The following ZFP14 variants were observed in gnomAD, a reference collection of about 807,000 sequenced individuals.
The protein encoded by ZFP14 is ZFP14 zinc finger protein, also known as zinc finger protein 14 homolog.
Under a neutral mutation model 54.5 loss-of-function variants are expected in ZFP14, and 22 were observed. The observed-to-expected ratio is 0.40, with a 90% CI of 0.29 to 0.58. The LOEUF (loss-of-function observed/expected upper bound fraction) is 0.58. ZFP14 is among the 20% of genes least tolerant of loss of function. The pLI is 0.39. For missense variants in ZFP14, 470 were observed against 637.8 expected (o/e 0.74, Z 2.83); for synonymous variants, 159 against 204.0 (o/e 0.78, Z 1.88).
chr19:36,373,043 C>T (rs1015426355), intron 1 of ZFP14, among the ~76,000 whole-genome samples: 3 of 151,950 alleles, frequency 2.0e-5, no homozygotes, highest in Admixed American at 6.6e-5. Flanking sequence ...TTTGGGAGGC[C>T]GAGGCGGGAG....
intron 2 of ZFP14, among the ~76,000 whole-genome samples, chr19:36,365,539 C>A (rs1410590351): frequency 6.6e-6 from 1 of 152,136 alleles, no homozygotes; most frequent in Non-Finnish European, 1.5e-5. Flanking sequence ...GCACCAGGTA[C>A]ACACATGCCC....
intron 4 of ZFP14, among the ~76,000 whole-genome samples, chr19:36,352,868 G>T (rs1018072851): frequency 1.4e-5 from 2 of 140,252 alleles, no homozygotes; most frequent in Non-Finnish European, 3.2e-5. Flanking sequence ...GTGAACCCGG[G>T]AGGCGGAGCT....
chr19:36,340,814 T>G lies in ZFP14; in HGVS notation c.1012A>C (p.Lys338Gln). 1.2e-6 allele frequency: 2 copies of G among 1,614,178 alleles called. No homozygotes were observed. The highest frequency in any genetic ancestry group is 1.7e-6 in the Non-Finnish European group (2 of 1,180,040). Residue 338 changes from lysine (K) to glutamine (Q), a missense_variant, in exon 5 of 5, where the codon AAA becomes CAA. Lys to Gln is a moderately conservative substitution (Grantham distance 53, BLOSUM62 1). Transcript: ENST00000270001. This position sits in a 1 kb window ranked among gnomAD's most constrained non-coding sequence, Gnocchi z 5.4. ...CCACACTCCTTACATTCATAGGGTT[T>G]CTCACCAAAATGAATTTTCTGATGT... is the stretch of plus-strand genomic sequence containing the variant. Reference protein sequence around the residue: ...RVHQKIHFGEKPYECKECGKA... With the variant: ...RVHQKIHFGEQPYECKECGKA...
chr19:36,359,716 G>A (rs2031678701), intron 4 of ZFP14, among the ~76,000 whole-genome samples: 1 of 152,008 alleles, frequency 6.6e-6, no homozygotes, highest in Admixed American at 6.6e-5. Context: ...GTGCAGTGGC[G>A]TGATCTTGGC....
At position 36,362,256 on chromosome 19, in the gene ZFP14, G is replaced by A; in HGVS notation, c.10-18C>T. The A allele has an allele frequency of 6.4e-7, 1 of 1,574,386 alleles. No individual in the cohort carries two copies. Among genetic ancestry groups the A allele is most frequent in the Non-Finnish European group, 8.6e-7 (1 of 1,167,348 alleles). On this transcript the variant is annotated intron_variant, in intron 2 of 4. Coordinates refer to ENST00000270001, the MANE Select transcript of ZFP14 (RefSeq NM_020917.3). ...ACTGAACCCTGAAAAAACAAACTCA[G>A]GTATTACTTGTGAAAATAAATTAAA...
In ZFP14 at chr19:36,347,483, G is replaced by A. The variant is rs138787065; in HGVS notation, c.236-5893C>T. On this transcript the variant is annotated intron_variant, in intron 4 of 4. Coordinates refer to ENST00000270001, the MANE Select transcript of ZFP14 (RefSeq NM_020917.3). Reference sequence around the variant, plus strand: ...AAATTAGCCAGGTGTGCTGGAAGGCGCCTATAGTCCCAGTTACTCGGGAGG... The same window carrying A: ...AAATTAGCCAGGTGTGCTGGAAGGCACCTATAGTCCCAGTTACTCGGGAGG... Among the ~76,000 whole-genome samples, 160 of 151,854 alleles carry A rather than the reference G, an allele frequency of 1.1e-3. 1 individual carries two copies. In the East Asian group the frequency reaches 0.021, roughly 20 times the overall value.
chr19:36,361,054 T>C (rs2031701811), intron 3 of ZFP14, among the ~76,000 whole-genome samples: 1 of 152,234 alleles, frequency 6.6e-6, no homozygotes, highest in Non-Finnish European at 1.5e-5. Flanking sequence ...ACACATAATA[T>C]ATGTATTAGC....
chr19:36,358,260 G>A (rs1244892396), intron 4 of ZFP14, among the ~76,000 whole-genome samples: 10 of 151,124 alleles, frequency 6.6e-5, no homozygotes, highest in African/African-American at 2.2e-4. Flanking sequence ...ACAGGCGTGC[G>A]CCACTACATC....
At chr19:36,375,296 T>C (rs1199148390) in intron 1 of ZFP14, among the ~76,000 whole-genome samples, 2 of 152,162 alleles carry the variant, frequency 1.3e-5, no homozygotes, top group Admixed American at 1.3e-4. Flanking sequence ...AGCTTCAGTA[T>C]AATCTGGACA....
At chr19:36,349,257 CAAA>C (rs1171155676) in intron 4 of ZFP14, among the ~76,000 whole-genome samples, 2 of 42,238 alleles carry the variant, frequency 4.7e-5, no homozygotes, top group East Asian at 1.3e-3. Flanking sequence ...AAAAAAAAAA[CAAA>C]AAAAAAAAAA....
At chr19:36,357,280 C>G (rs1490279691) in intron 4 of ZFP14, among the ~76,000 whole-genome samples, 1 of 152,066 alleles carries the variant, frequency 6.6e-6, no homozygotes, top group Non-Finnish European at 1.5e-5. Context: ...CAATATCAGG[C>G]GATCTGCCCG....
At chr19:36,369,919 C>T (rs932419562) in intron 1 of ZFP14, among the ~76,000 whole-genome samples, 8 of 152,148 alleles carry the variant, frequency 5.3e-5, no homozygotes, top group African/African-American at 1.7e-4. Context: ...ACAGCAGCCT[C>T]GACCTCCCGG....
At chr19:36,376,150 T>A (rs544920339) in intron 1 of ZFP14, among the ~76,000 whole-genome samples, 49 of 152,284 alleles carry the variant, frequency 3.2e-4, no homozygotes, top group African/African-American at 1.2e-3. Context: ...AGGATTGTTA[T>A]GAGAAATAAA....
chr19:36,358,189 C>G (rs931695757), intron 4 of ZFP14, among the ~76,000 whole-genome samples: 2 of 152,010 alleles, frequency 1.3e-5, no homozygotes, highest in Non-Finnish European at 2.9e-5. Context: ...CGGCTCACTG[C>G]AAACTCCGCC....
chr19:36,362,332 G>C, intron 2 of ZFP14, 94 bp from the exon 3 acceptor site: 1 of 1,350,534 alleles, frequency 7.4e-7, no homozygotes, highest in Non-Finnish European at 9.9e-7. Context: ...GCAGAGAGGG[G>C]TCAGATAGCA....
chr19:36,342,241 CA>C (rs1301155798), intron 4 of ZFP14, among the ~76,000 whole-genome samples: 3 of 137,592 alleles, frequency 2.2e-5, no homozygotes, highest in Non-Finnish European at 4.5e-5. Context: ...AGTGCAGTGG[CA>C]CAATCTCGGC....
At chr19:36,358,115 CTATTT>C (rs923626985) in intron 4 of ZFP14, among the ~76,000 whole-genome samples, 35 of 144,950 alleles carry the variant, frequency 2.4e-4, no homozygotes, top group African/African-American at 8.6e-4. Context: ...ATCTATCTAT[CTATTT>C]TATTTTTTGA....
At chr19:36,371,963 G>C (rs553888547) in intron 1 of ZFP14, among the ~76,000 whole-genome samples, 39 of 130,534 alleles carry the variant, frequency 3.0e-4, no homozygotes, top group Non-Finnish European at 5.0e-4. Context: ...AGGAAAGGAA[G>C]GGAGATAAGA....
intron 1 of ZFP14, among the ~76,000 whole-genome samples, chr19:36,377,546 TA>T (rs60132379): frequency 4.7e-4 from 65 of 137,502 alleles, no homozygotes; most frequent in Middle Eastern, 3.8e-3. Flanking sequence ...ACCCTGTCTC[TA>T]AAAAAAAAAA....
Sources: allele counts gnomAD v4.1 joint callset (sites outside exome capture counted in the v4.1 genomes callset), GRCh38; gene constraint gnomAD v4.1.1; non-coding constraint Gnocchi (gnomAD v3.1); transcripts MANE v1.5; gene names NCBI Gene and HGNC (gene_info 2026-07-23, HGNC 2026-07-21).